The following RC3H1 variants were observed in gnomAD, a reference collection of about 807,000 sequenced individuals.
RC3H1 encodes the protein roquin-1.
A neutral mutation model predicts 138.2 loss-of-function variants in RC3H1; 50 were observed. The observed-to-expected ratio is 0.36, with a 90% confidence interval of 0.29 to 0.46. RC3H1 has a LOEUF of 0.46. Among genes scored for constraint, RC3H1 ranks in the 20% least tolerant of loss-of-function variants. RC3H1 has a pLI of 1.00. For synonymous variants in RC3H1, 462 were observed against 489.1 expected (o/e 0.94, Z 0.73); for missense variants, 1,031 against 1,388.1 (o/e 0.74, Z 4.09).
chr1:173,992,639 A>T, intron 2 of RC3H1, 116 bp downstream of exon 2: 1 of 734,374 alleles, frequency 1.4e-6, no homozygotes, highest in Non-Finnish European at 2.2e-6. Flanking sequence ...TTTTAATTCA[A>T]CAGGTTTCTC....
At position 173,968,927 on chromosome 1, in the gene RC3H1, C is replaced by T. The variant is rs200878223; in HGVS notation, c.1334+1578G>A. Among the ~76,000 whole-genome samples the T allele has an allele frequency of 9.6e-5, 14 of 146,506 alleles. No homozygotes were observed. The East Asian group carries it at 1.0e-3, about 10-fold the overall frequency. On this transcript the variant is annotated intron_variant, in intron 9 of 19. Transcript: ENST00000367696. ...AGGCTGGAGTGCTACGGTGCAATCT[C>T]GGCTCACTGCAACCTCCACCTCCCG...
chr1:173,951,821 T>C (rs1040716296), intron 14 of RC3H1, among the ~76,000 whole-genome samples, 165 bp downstream of exon 14: 1 of 152,190 alleles, frequency 6.6e-6, no homozygotes, highest in African/African-American at 2.4e-5. Context: ...TACACCTAAA[T>C]GAATCAAAAA....
At chr1:173,970,087 G>A (rs779933729) in intron 9 of RC3H1, among the ~76,000 whole-genome samples, 38 of 152,002 alleles carry the variant, frequency 2.5e-4, no homozygotes, top group Non-Finnish European at 4.4e-4. Context: ...GACCAGAAGT[G>A]TTTCAAGATT....
At chr1:173,971,582 C>G (rs750335941) in intron 8 of RC3H1, among the ~76,000 whole-genome samples, 8 of 152,078 alleles carry the variant, frequency 5.3e-5, no homozygotes, top group Non-Finnish European at 1.0e-4. Flanking sequence ...CTAAACTGGA[C>G]AAAATTTAGT....
At chr1:173,973,333 G>A (rs1660443430) in intron 7 of RC3H1, among the ~76,000 whole-genome samples, 1 of 152,034 alleles carries the variant, frequency 6.6e-6, no homozygotes, top group Non-Finnish European at 1.5e-5. Context: ...ATCAAGAGAT[G>A]GAGACCATCC....
rs1166272601 is a variant in RC3H1, at chr1:173,936,758, TATA to T, written c.*1960_*1962del. Reference sequence around the variant, plus strand: ...ATATATATATATATATATATATATATATATTTTTTTTTTTTTTTTTAAAAAAAG... The same window carrying T: ...ATATATATATATATATATATATATATTTTTTTTTTTTTTTTTTAAAAAAAG... On this transcript the variant is annotated 3_prime_UTR_variant, in exon 20 of 20. Coordinates refer to ENST00000367696, the MANE Select transcript of RC3H1 (RefSeq NM_172071.4). 0.023 allele frequency: 509 copies of T among 22,442 alleles called. 2 individuals are homozygous for T. The highest frequency in any genetic ancestry group is 0.028 in the Non-Finnish European group (431 of 15,342). The allele number at this position is 22,442 out of a possible 1,614,324, so 1.4% of individuals were successfully genotyped here.
chr1:173,950,824 G>A (rs1043841651), intron 14 of RC3H1, among the ~76,000 whole-genome samples: 1 of 151,918 alleles, frequency 6.6e-6, no homozygotes, highest in Non-Finnish European at 1.5e-5. Context: ...CTTGAGGCCA[G>A]GAGTTTAAGA....
chr1:174,008,679 TA>T (rs1393573580), intron 1 of RC3H1, among the ~76,000 whole-genome samples: 3 of 152,010 alleles, frequency 2.0e-5, no homozygotes, highest in African/African-American at 7.2e-5. Flanking sequence ...AATTAAATTG[TA>T]AAAGGGGATG....
Position 173,938,711 on chromosome 1 carries a change from T to C in RC3H1, c.*10A>G. 2 of 1,588,120 alleles carry C rather than the reference T, an allele frequency of 1.3e-6. No homozygotes were observed. Among genetic ancestry groups the C allele is most frequent in the Non-Finnish European group, 1.7e-6 (2 of 1,166,094 alleles). On this transcript the variant is annotated 3_prime_UTR_variant, in exon 20 of 20. Transcript: ENST00000367696. ...TAGGAGCAGAAGATAAAAGTAGGAC[T>C]CCTCATATTTTAAGGAGCAGAACTG...
intron 6 of RC3H1, 129 bp from the exon 7 acceptor site, chr1:173,978,749 G>T: frequency 1.1e-6 from 1 of 944,076 alleles, no homozygotes; most frequent in Non-Finnish European, 1.5e-6. Flanking sequence ...CCTACACTTT[G>T]GCCAGAGTAG....
chr1:173,948,454 C>T (rs1318291237), intron 14 of RC3H1, among the ~76,000 whole-genome samples: 4 of 151,650 alleles, frequency 2.6e-5, no homozygotes, highest in Non-Finnish European at 5.9e-5. Flanking sequence ...TATATGCATA[C>T]AAATATATAT....
At chr1:174,005,580 C>A (rs1661639427) in intron 1 of RC3H1, among the ~76,000 whole-genome samples, 1 of 152,038 alleles carries the variant, frequency 6.6e-6, no homozygotes, top group African/African-American at 2.4e-5. Context: ...CTAAAAATCA[C>A]AAAGATACTG....
rs942808989 is a variant in RC3H1, at chr1:173,936,179, T to C, written c.*2542A>G. On this transcript the variant is annotated 3_prime_UTR_variant, in exon 20 of 20. Transcript: ENST00000367696. Reference sequence around the variant, plus strand: ...AGTTACTAAGGGGTTTCAACTGATATCCAAAATGAATCTTTACTTTTATTT... The same window carrying C: ...AGTTACTAAGGGGTTTCAACTGATACCCAAAATGAATCTTTACTTTTATTT... The C allele has an allele frequency of 5.9e-5, 9 of 152,044 alleles. No homozygotes were observed. The highest frequency in any genetic ancestry group is 2.2e-4 in the African/African-American group (9 of 41,406). The allele number at this position is 152,044 out of a possible 1,614,324, so 9.4% of individuals were successfully genotyped here.
chr1:173,998,753 G>GT (rs1200006156), intron 1 of RC3H1, among the ~76,000 whole-genome samples: 3 of 151,732 alleles, frequency 2.0e-5, no homozygotes, highest in Admixed American at 6.6e-5. Context: ...CTTTACTCAG[G>GT]TTTTTTTTCT....
intron 9 of RC3H1, chr1:173,969,296 T>C (rs186341710): frequency 1.0e-4 from 15 of 149,986 alleles, no homozygotes; most frequent in African/African-American, 2.4e-4. Flanking sequence ...AAAAAAATTA[T>C]ATTATTTATA....
rs1375146987 is a variant in RC3H1, at chr1:173,936,689, T to C, written c.*2032A>G. ...AATGTAAAAGGGTTTTAAGTAAAAG[T>C]CAAAAAGCAAACAAAAGCCAAAAAA... is the stretch of plus-strand genomic sequence containing the variant. On this transcript the variant is annotated 3_prime_UTR_variant, in exon 20 of 20. Transcript: ENST00000367696. 2 of 84,362 alleles carry C rather than the reference T, an allele frequency of 2.4e-5. No homozygotes were observed. The highest frequency in any genetic ancestry group is 5.1e-5 in the Non-Finnish European group (2 of 39,560). 5.2% of individuals were successfully genotyped at this position (84,362 alleles called of 1,614,324 possible).
intron 6 of RC3H1, 69 bp downstream of exon 6, chr1:173,980,740 T>C (rs978587002): frequency 8.5e-7 from 1 of 1,178,922 alleles, no homozygotes; most frequent in African/African-American, 1.5e-5. Context: ...CACTTTAATA[T>C]ACATTTGTTA....
intron 17 of RC3H1, among the ~76,000 whole-genome samples, chr1:173,943,981 A>G (rs188609506): frequency 6.6e-6 from 1 of 152,074 alleles, no homozygotes; most frequent in African/African-American, 2.4e-5. Flanking sequence ...CAATATATCA[A>G]GACCTCGCCT....
chr1:173,971,395 AAAACT>A (rs1287698596), intron 8 of RC3H1, among the ~76,000 whole-genome samples: 3 of 152,370 alleles, frequency 2.0e-5, no homozygotes, highest in Non-Finnish European at 4.4e-5. Flanking sequence ...ACATACCACA[AAAACT>A]ACAAAAGGCC....
Sources: allele counts gnomAD v4.1 joint callset (sites outside exome capture counted in the v4.1 genomes callset), GRCh38; gene constraint gnomAD v4.1.1; transcripts MANE v1.5; gene names NCBI Gene and HGNC (gene_info 2026-07-23, HGNC 2026-07-21).